The following CLEC2D variants were observed in gnomAD, a reference collection of about 807,000 sequenced individuals.
The protein encoded by CLEC2D is C-type lectin domain family 2 member D.
A neutral mutation model predicts 20.0 loss-of-function variants in CLEC2D; 16 were observed. That is an observed-to-expected ratio of 0.80 (90% confidence interval 0.54 to 1.22). The LOEUF (loss-of-function observed/expected upper bound fraction) is 1.22, where lower values mean the gene tolerates loss of function less well. CLEC2D is among the 50% of genes most tolerant of loss of function. The pLI is 0.00. For synonymous variants in CLEC2D, 77 were observed against 71.1 expected, an observed-to-expected ratio of 1.08 and a Z score of -0.42; for missense variants, 207 against 221.5, an observed-to-expected ratio of 0.93 and a Z score of 0.42.
chr12:9,685,073 A>G (rs957388567), intron 2 of CLEC2D, among the ~76,000 whole-genome samples: 1 of 152,218 alleles, frequency 6.6e-6, no homozygotes, highest in Non-Finnish European at 1.5e-5. Context: ...TTATTGGTCT[A>G]TTCAGGAATC....
chr12:9,699,109 G>A lies in CLEC2D; in HGVS notation c.*4235G>A, dbSNP rs751361591. 4 of 151,958 alleles carry A rather than the reference G, an allele frequency of 2.6e-5. No homozygotes were observed. The highest frequency in any genetic ancestry group is 4.4e-5 in the Non-Finnish European group (3 of 67,980). 9.4% of individuals were successfully genotyped at this position (151,958 alleles called of 1,614,324 possible). A position where few individuals can be genotyped will look rare whatever the true frequency, so the allele number is the denominator to read the frequency against. On this transcript the variant is annotated 3_prime_UTR_variant, in exon 5 of 5. Coordinates refer to ENST00000290855, the MANE Select transcript of CLEC2D (RefSeq NM_013269.6). Reference sequence around the variant, plus strand: ...ATTTATGTGATCTTCACCCCATTAAGTTCTCCCCAAATTATTTACTCTTCC... The same window carrying A: ...ATTTATGTGATCTTCACCCCATTAAATTCTCCCCAAATTATTTACTCTTCC...
At position 9,695,835 on chromosome 12, in the gene CLEC2D, A is replaced by G; in HGVS notation, c.*961A>G. 8.7e-7 allele frequency: 1 copy of G among 1,144,540 alleles called. No homozygotes were observed. Among genetic ancestry groups the G allele is most frequent in the Non-Finnish European group, 1.3e-6 (1 of 770,378 alleles). The allele number at this position is 1,144,540 out of a possible 1,614,324, so 70.9% of individuals were successfully genotyped here. ...CTGCCCCTGGAGGTGGGCAGAAAAAAGTAAAACTTGCTGCTGCTGCTGATG... is the reference window on the plus strand; with the variant it reads ...CTGCCCCTGGAGGTGGGCAGAAAAAGGTAAAACTTGCTGCTGCTGCTGATG... On this transcript the variant is annotated 3_prime_UTR_variant, in exon 5 of 5. Coordinates refer to ENST00000290855, the MANE Select transcript of CLEC2D (RefSeq NM_013269.6).
intron 1 of CLEC2D, among the ~76,000 whole-genome samples, chr12:9,675,748 A>G (rs1034142069): frequency 6.6e-6 from 1 of 152,234 alleles, no homozygotes; most frequent in African/African-American, 2.4e-5. Context: ...TATCTTGGCA[A>G]TGTTGAGTCT....
intron 4 of CLEC2D, chr12:9,693,193 A>G (rs1321082116): frequency 3.9e-6 from 4 of 1,030,398 alleles, no homozygotes; most frequent in Non-Finnish European, 6.1e-6. Flanking sequence ...AGCAAACCAT[A>G]CAATATCTTT....
In CLEC2D at chr12:9,697,215, G is replaced by T. The variant is rs765941529; in HGVS notation, c.*2341G>T. 1 of 152,100 alleles carries T rather than the reference G, an allele frequency of 6.6e-6. No homozygotes were observed. The highest frequency in any genetic ancestry group is 2.4e-5 in the African/African-American group (1 of 41,396). 9.4% of individuals were successfully genotyped at this position (152,100 alleles called of 1,614,324 possible). ...GCCATAACACCCACGCTGGAAGGTT[G>T]TGGGTTTATGGGAATGAGGGCAAGG... On this transcript the variant is annotated 3_prime_UTR_variant, in exon 5 of 5. Coordinates refer to ENST00000290855, the MANE Select transcript of CLEC2D (RefSeq NM_013269.6).
rs924043229 is a variant in CLEC2D, at chr12:9,697,864, A to G, written c.*2990A>G. 1 of 152,218 alleles carries G rather than the reference A, an allele frequency of 6.6e-6. No homozygotes were observed. The highest frequency in any genetic ancestry group is 2.4e-5 in the African/African-American group (1 of 41,462). The allele number at this position is 152,218 out of a possible 1,614,324, so 9.4% of individuals were successfully genotyped here. A position where few individuals can be genotyped will look rare whatever the true frequency, so the allele number is the denominator to read the frequency against. On this transcript the variant is annotated 3_prime_UTR_variant, in exon 5 of 5. Transcript: ENST00000290855. The stretch of plus-strand genomic sequence containing the variant: ...ATATCTAACATACAGTATGAGGACT[A>G]TAATAGTATTGCACTGTGTACTGAA...
At position 9,696,511 on chromosome 12, in the gene CLEC2D, G is replaced by T; in HGVS notation, c.*1637G>T. 1 of 220,038 alleles carries T rather than the reference G, an allele frequency of 4.5e-6. No homozygotes were observed. Among genetic ancestry groups the T allele is most frequent in the South Asian group, 1.0e-4 (1 of 9,722 alleles). The allele number at this position is 220,038 out of a possible 1,614,324, so 13.6% of individuals were successfully genotyped here. A position where few individuals can be genotyped will look rare whatever the true frequency, so the allele number is the denominator to read the frequency against. On this transcript the variant is annotated 3_prime_UTR_variant, in exon 5 of 5. Transcript: ENST00000290855. ...ACATGGAAATGGTGGGGAGACAAAA[G>T]TATACACGTGAAATAAAACTCAGTA... is the stretch of plus-strand genomic sequence containing the variant.
Position 9,696,786 on chromosome 12 carries a change from T to G in CLEC2D, c.*1912T>G, listed in dbSNP as rs755074853. The stretch of plus-strand genomic sequence containing the variant: ...GGAACACAGTTTGGTGCAGCCATTA[T>G]AGAAAACGTCATGGAGGTTCCTAAA... On this transcript the variant is annotated 3_prime_UTR_variant, in exon 5 of 5. Transcript: ENST00000290855. The G allele has an allele frequency of 6.6e-6, 1 of 152,412 alleles. No homozygotes were observed. The highest frequency in any genetic ancestry group is 1.5e-5 in the Non-Finnish European group (1 of 68,236). 9.4% of individuals were successfully genotyped at this position (152,412 alleles called of 1,614,324 possible).
At chr12:9,677,891 A>C (rs1023905159) in intron 1 of CLEC2D, among the ~76,000 whole-genome samples, 1 of 151,740 alleles carries the variant, frequency 6.6e-6, no homozygotes, top group Non-Finnish European at 1.5e-5. Context: ...CACTTGGCTC[A>C]TTTTTGTCTT....
chr12:9,680,228 T>A, intron 1 of CLEC2D: 1 of 338,622 alleles, frequency 3.0e-6, no homozygotes, highest in South Asian at 2.4e-5. Context: ...GAAGAACACG[T>A]TTGCTTCCTC....
At position 9,695,638 on chromosome 12, in the gene CLEC2D, A is replaced by G. The variant is rs991069743; in HGVS notation, c.*764A>G. On this transcript the variant is annotated 3_prime_UTR_variant, in exon 5 of 5. Transcript: ENST00000290855. ...AACTTTGAAAATGTCTGTACAGCCA[A>G]CGGTTTCTCTTGGGGGCTTTGAAAT... 1 of 1,572,726 alleles carries G rather than the reference A, an allele frequency of 6.4e-7. No individual in the cohort carries two copies. Among genetic ancestry groups the G allele is most frequent in the Non-Finnish European group, 8.7e-7 (1 of 1,155,554 alleles).
chr12:9,695,334 C>G lies in CLEC2D; in HGVS notation c.*460C>G, dbSNP rs1416344116. On this transcript the variant is annotated 3_prime_UTR_variant, in exon 5 of 5. Transcript: ENST00000290855. ...CGCGGCTGTTCTCTGGAGCAGCATT[C>G]ATTTATCTTCGTCTGCCTTGTCTCC... The G allele has an allele frequency of 2.2e-5, 21 of 950,370 alleles. No individual in the cohort carries two copies. Among genetic ancestry groups the G allele is most frequent in the East Asian group, 2.4e-5 (1 of 41,878 alleles). 58.9% of individuals were successfully genotyped at this position (950,370 alleles called of 1,614,324 possible). A position where few individuals can be genotyped will look rare whatever the true frequency, so the allele number is the denominator to read the frequency against.
intron 1 of CLEC2D, among the ~76,000 whole-genome samples, chr12:9,679,441 G>A (rs970314585): frequency 1.3e-5 from 2 of 151,738 alleles, no homozygotes; most frequent in African/African-American, 4.8e-5. Context: ...GAATTTTTTT[G>A]GCTAAAGAAT....
At position 9,692,920 on chromosome 12, in the gene CLEC2D, A is replaced by G; in HGVS notation, c.450A>G (p.Glu150=). The change falls in exon 4 of 5, where the codon GAA becomes GAG. Residue 150 remains glutamate, a synonymous_variant. Transcript: ENST00000290855. ...CATGGAAATGGATAAATGGTACTGA[A>G]TGGACAAGACAGTAAGTTCTAAAAA... ...GQPWKWINGT[E]WTRQFPILGA... is the part of the protein sequence containing the mutation. 30 of 1,612,274 alleles carry G rather than the reference A, an allele frequency of 1.9e-5. No homozygotes were observed. The highest frequency in any genetic ancestry group is 2.5e-5 in the Non-Finnish European group (30 of 1,178,444).
At chr12:9,680,083 G>A (rs759902586) in intron 1 of CLEC2D, 33 of 156,880 alleles carry the variant, frequency 2.1e-4, no homozygotes, top group Non-Finnish European at 4.4e-4. Context: ...GACCCAGTGG[G>A]AGATAACTGA....
rs953776289 is a variant in CLEC2D, at chr12:9,698,274, A to C, written c.*3400A>C. Reference sequence around the variant, plus strand: ...TCTCTTGACAATTTTGAAAGATCCAATACACTATTATTAACTATAGTCACT... The same window carrying C: ...TCTCTTGACAATTTTGAAAGATCCACTACACTATTATTAACTATAGTCACT... On this transcript the variant is annotated 3_prime_UTR_variant, in exon 5 of 5. Coordinates refer to ENST00000290855, the MANE Select transcript of CLEC2D (RefSeq NM_013269.6). The C allele has an allele frequency of 5.3e-5, 8 of 152,158 alleles. No homozygotes were observed. The highest frequency in any genetic ancestry group is 1.2e-4 in the Non-Finnish European group (8 of 68,028). The allele number at this position is 152,158 out of a possible 1,614,324, so 9.4% of individuals were successfully genotyped here. A position where few individuals can be genotyped will look rare whatever the true frequency, so the allele number is the denominator to read the frequency against.
chr12:9,678,726 G>A (rs1458639211), intron 1 of CLEC2D, among the ~76,000 whole-genome samples: 3 of 151,988 alleles, frequency 2.0e-5, no homozygotes, highest in African/African-American at 7.3e-5. Context: ...TTTTTGTAGC[G>A]ACAGAGTCTT....
chr12:9,679,752 T>C (rs1417731621), intron 1 of CLEC2D, among the ~76,000 whole-genome samples: 2 of 152,206 alleles, frequency 1.3e-5, no homozygotes, highest in African/African-American at 4.8e-5. Flanking sequence ...TGCTGATCTC[T>C]CTAGTGTTGG....
intron 2 of CLEC2D, among the ~76,000 whole-genome samples, chr12:9,684,537 T>A (rs1865712567): frequency 6.6e-6 from 1 of 152,228 alleles, no homozygotes; most frequent in South Asian, 2.1e-4. Flanking sequence ...TAGCTTTTAT[T>A]ATTTTAATGT....
Sources: allele counts gnomAD v4.1 joint callset (sites outside exome capture counted in the v4.1 genomes callset), GRCh38; gene constraint gnomAD v4.1.1; transcripts MANE v1.5; gene names NCBI Gene and HGNC (gene_info 2026-07-23, HGNC 2026-07-21).